ITPR2: variants seen among roughly 807,000 people sequenced by gnomAD.
ITPR2 encodes the protein inositol 1,4,5-trisphosphate-gated calcium channel ITPR2.
Under a neutral mutation model 317.1 loss-of-function variants are expected in ITPR2, and 207 were observed. That is an observed-to-expected ratio of 0.65 (90% CI 0.58 to 0.73). The LOEUF is 0.73. ITPR2 is among the 30% of genes least tolerant of loss of function. The probability of loss-of-function intolerance (pLI) is 0.00; values close to 1 mark genes in which losing one functional copy is unlikely to be tolerated. For synonymous variants in ITPR2, 1,156 were observed against 1,149.1 expected (o/e 1.01, Z -0.12); for missense variants, 2,613 against 3,284.0 (o/e 0.80, Z 4.99).
intron 9 of ITPR2, among the ~76,000 whole-genome samples, chr12:26,697,341 G>A (rs1442333611): frequency 6.6e-6 from 1 of 152,170 alleles, no homozygotes; most frequent in African/African-American, 2.4e-5. Context: ...AGGACTGATG[G>A]AACACTGAGT....
At chr12:26,685,077 C>T (rs1228837831) in intron 11 of ITPR2, among the ~76,000 whole-genome samples, 1 of 152,156 alleles carries the variant, frequency 6.6e-6, no homozygotes, top group Non-Finnish European at 1.5e-5. Context: ...ACTTTTTACC[C>T]TCCCTGGAGG....
chr12:26,526,623 A>C (rs772279764), intron 37 of ITPR2, among the ~76,000 whole-genome samples: 3 of 152,032 alleles, frequency 2.0e-5, no homozygotes, highest in Non-Finnish European at 4.4e-5. Context: ...TACAACTGTT[A>C]CTCTATGAAA....
At chr12:26,806,090 C>A (rs1950635170) in intron 1 of ITPR2, among the ~76,000 whole-genome samples, 1 of 152,100 alleles carries the variant, frequency 6.6e-6, no homozygotes, top group Non-Finnish European at 1.5e-5. Flanking sequence ...ATATGTTTCT[C>A]AAAAGCTATC....
At chr12:26,404,290 T>C (rs1167573870) in intron 52 of ITPR2, among the ~76,000 whole-genome samples, 1 of 152,114 alleles carries the variant, frequency 6.6e-6, no homozygotes, top group Non-Finnish European at 1.5e-5. Context: ...CATTAGACCA[T>C]AGAAATAGAC....
At chr12:26,742,251 T>C (rs923159039) in intron 2 of ITPR2, among the ~76,000 whole-genome samples, 1 of 152,208 alleles carries the variant, frequency 6.6e-6, no homozygotes, top group African/African-American at 2.4e-5. Context: ...AATAGTGGTA[T>C]GGTCACAGAA....
At chr12:26,414,050 T>TATACACACAC (rs1555121665) in intron 51 of ITPR2, among the ~76,000 whole-genome samples, 4 of 138,114 alleles carry the variant, frequency 2.9e-5, no homozygotes, top group East Asian at 2.4e-4. Context: ...TGTATATATG[T>TATACACACAC]ACACACACAC....
chr12:26,666,162 A>ATAAATAGATAGAT, intron 13 of ITPR2, 111 bp from the exon 14 acceptor site: 1 of 398,884 alleles, frequency 2.5e-6, no homozygotes. Context: ...AGATAGATAG[A>ATAAATAGATAGAT]TTTTTTTTTA....
chr12:26,772,470 T>TTATATATATAATACATGTATTA (rs5797198), intron 2 of ITPR2, among the ~76,000 whole-genome samples: 1 of 101,210 alleles, frequency 9.9e-6, no homozygotes, highest in African/African-American at 3.2e-5. Flanking sequence ...AATACATGTA[T>TTATATATATAATACATGTATTA]TATATATAAT....
intron 55 of ITPR2, among the ~76,000 whole-genome samples, chr12:26,381,426 T>C (rs1004076093): frequency 1.3e-5 from 2 of 152,218 alleles, no homozygotes; most frequent in Non-Finnish European, 2.9e-5. Context: ...GGCAATTTCC[T>C]ATTTATCTTT....
chr12:26,782,868 C>A (rs1950121250), intron 2 of ITPR2, among the ~76,000 whole-genome samples: 1 of 152,170 alleles, frequency 6.6e-6, no homozygotes, highest in Non-Finnish European at 1.5e-5. Context: ...TGAAGAAATT[C>A]AATATAGCAA....
chr12:26,809,293 T>C (rs978743327), intron 1 of ITPR2, among the ~76,000 whole-genome samples: 3 of 152,344 alleles, frequency 2.0e-5, no homozygotes, highest in African/African-American at 7.2e-5. Flanking sequence ...CAGTGGCTTA[T>C]GGTCTGGCTG....
intron 24 of ITPR2, chr12:26,623,465 T>C (rs938936984): frequency 2.0e-5 from 3 of 152,206 alleles, no homozygotes; most frequent in East Asian, 1.9e-4. Context: ...GGCATATTGT[T>C]ATAATTGTTT....
chr12:26,783,437 C>T (rs890407494), intron 2 of ITPR2, among the ~76,000 whole-genome samples: 5 of 152,124 alleles, frequency 3.3e-5, no homozygotes, highest in Admixed American at 2.6e-4. Flanking sequence ...CCATTACTTC[C>T]GTGTTTTATC....
At chr12:26,562,881 C>T (rs1238464981) in intron 34 of ITPR2, among the ~76,000 whole-genome samples, 1 of 149,268 alleles carries the variant, frequency 6.7e-6, no homozygotes, top group African/African-American at 2.5e-5. Flanking sequence ...CAAACCTGCA[C>T]GTTGTGCACA....
chr12:26,425,902 G>A (rs1941045183), intron 49 of ITPR2, among the ~76,000 whole-genome samples: 1 of 152,134 alleles, frequency 6.6e-6, no homozygotes, highest in Admixed American at 6.5e-5. Flanking sequence ...CACCAAACCA[G>A]GCAAAAGCTA....
chr12:26,615,244 A>G (rs1443631049), intron 26 of ITPR2, among the ~76,000 whole-genome samples: 6 of 152,236 alleles, frequency 3.9e-5, no homozygotes. Flanking sequence ...CATACAGACC[A>G]TAAAACAGCC....
At chr12:26,495,399 C>A in intron 37 of ITPR2, 139 bp from the exon 38 acceptor site, 1 of 552,236 alleles carries the variant, frequency 1.8e-6, no homozygotes, top group South Asian at 2.6e-5. Context: ...ATAATATTTT[C>A]TGAGGCAAAA....
At chr12:26,415,536 C>A in intron 50 of ITPR2, 38 bp from the exon 51 acceptor site, 1 of 1,362,140 alleles carries the variant, frequency 7.3e-7, no homozygotes, top group Non-Finnish European at 9.8e-7. Flanking sequence ...GAAAAGAAGG[C>A]ATTGGAGGAA....
chr12:26,643,331 C>T (rs1343840381), intron 21 of ITPR2, among the ~76,000 whole-genome samples: 2 of 152,186 alleles, frequency 1.3e-5, no homozygotes, highest in Non-Finnish European at 2.9e-5. Context: ...AAGTGGGATG[C>T]TGCTATAACA....
Sources: allele counts gnomAD v4.1 joint callset (sites outside exome capture counted in the v4.1 genomes callset), GRCh38; gene constraint gnomAD v4.1.1; transcripts MANE v1.5; gene names NCBI Gene and HGNC (gene_info 2026-07-23, HGNC 2026-07-21).